The following HMX3 variants were observed in gnomAD, a reference collection of about 807,000 sequenced individuals.
The protein encoded by HMX3 is homeobox protein HMX3.
In HMX3, 8 loss-of-function variants were observed where a neutral mutation model predicts 22.8. The observed-to-expected ratio is 0.35, with a 90% CI of 0.21 to 0.63. The LOEUF (loss-of-function observed/expected upper bound fraction) is 0.63. HMX3 is among the 30% of genes least tolerant of loss of function. The probability of loss-of-function intolerance (pLI) is 0.72; values close to 1 mark genes in which losing one functional copy is unlikely to be tolerated. For missense variants in HMX3, 527 were observed against 520.6 expected (o/e 1.01, Z -0.12); for synonymous variants, 331 against 250.9 (o/e 1.32, Z -3.02).
Position 123,138,804 on chromosome 10 carries a change from G to T in HMX3, c.*1073G>T, listed in dbSNP as rs934031650. Among the ~76,000 whole-genome samples the T allele has an allele frequency of 1.3e-5, 2 of 152,174 alleles. No homozygotes were observed. Among genetic ancestry groups the T allele is most frequent in the Admixed American group, 1.3e-4 (2 of 15,282 alleles). On this transcript the variant is annotated 3_prime_UTR_variant, in exon 2 of 2. Transcript: ENST00000357878. ...CTTATTTATTAGTAGCATTTATTTTGAGAATTTCATTTGTAAATTATTATT... is the reference window on the plus strand; with the variant it reads ...CTTATTTATTAGTAGCATTTATTTTTAGAATTTCATTTGTAAATTATTATT...
In HMX3 at chr10:123,137,510, C is replaced by A. The variant is rs1405207789; in HGVS notation, c.853C>A (p.Gln285Lys). 2.5e-6 allele frequency: 4 copies of A among 1,612,714 alleles called. No homozygotes were observed. In the Admixed American group the frequency reaches 6.7e-5, roughly 27 times the overall value. The change falls in exon 2 of 2, where the codon CAG (glutamine) becomes AAG (lysine). Residue 285 changes from glutamine to lysine, a missense_variant. Around this residue, in one of 3 missense-constraint regions of HMX3, gnomAD observed 41 missense variants for 80.6 expected, o/e 0.51. Coordinates refer to ENST00000357878, the MANE Select transcript of HMX3 (RefSeq NM_001105574.2). The surrounding 1 kb of genome is among the most constrained non-coding windows in gnomAD (Gnocchi z 5.8). Reference protein sequence around the residue: ...FQNRRNKWKRQLAAELEAANL... With the variant: ...FQNRRNKWKRKLAAELEAANL... ...GAACCGCCGCAACAAGTGGAAGCGGCAGCTGGCGGCGGAGCTGGAGGCGGC... is the reference window on the plus strand; with the variant it reads ...GAACCGCCGCAACAAGTGGAAGCGGAAGCTGGCGGCGGAGCTGGAGGCGGC...
Position 123,136,944 on chromosome 10 carries a change from A to G in HMX3, c.401-114A>G. On this transcript the variant is annotated intron_variant, in intron 1 of 1. Coordinates refer to ENST00000357878, the MANE Select transcript of HMX3 (RefSeq NM_001105574.2). This position sits in a 1 kb window ranked among gnomAD's most constrained non-coding sequence, Gnocchi z 4.8. ...CAGCCCGCGGGAATGGTGAGGCCTC[A>G]TGGCCTGGGACCTGGAGGCCGGCGC... 3 of 1,282,014 alleles carry G rather than the reference A, an allele frequency of 2.3e-6. No individual in the cohort carries two copies. The highest frequency in any genetic ancestry group is 1.1e-6 in the Non-Finnish European group (1 of 952,292). 79.4% of individuals were successfully genotyped at this position (1,282,014 alleles called of 1,614,324 possible). A position where few individuals can be genotyped will look rare whatever the true frequency, so the allele number is the denominator to read the frequency against.
At position 123,138,549 on chromosome 10, in the gene HMX3, C is replaced by T. The variant is rs150171809; in HGVS notation, c.*818C>T. Among the ~76,000 whole-genome samples the T allele has an allele frequency of 2.4e-4, 37 of 152,276 alleles. No individual in the cohort carries two copies. The highest frequency in any genetic ancestry group is 2.4e-3 in the Admixed American group (37 of 15,298). On this transcript the variant is annotated 3_prime_UTR_variant, in exon 2 of 2. Transcript: ENST00000357878. Reference sequence around the variant, plus strand: ...TGGATTTCTGGGTATGTTTCTTCCTCCCAACCCCCAAATCAGTTATCCACC... The same window carrying T: ...TGGATTTCTGGGTATGTTTCTTCCTTCCAACCCCCAAATCAGTTATCCACC...
chr10:123,136,511 C>T lies in HMX3; in HGVS notation c.400+61C>T, dbSNP rs936062315. The T allele has an allele frequency of 7.2e-6, 9 of 1,249,316 alleles. 1 individual carries two copies. The African/African-American group carries it at 1.3e-4, about 17-fold the overall frequency. The allele number at this position is 1,249,316 out of a possible 1,614,324, so 77.4% of individuals were successfully genotyped here. ...GCGCGCCCGCCCCGTCCCCGCCCCG[C>T]GCTGCTTCCCTCCGCAGTTCTGGGA... On this transcript the variant is annotated intron_variant, in intron 1 of 1. Transcript: ENST00000357878. The surrounding 1 kb of genome is among the most constrained non-coding windows in gnomAD (Gnocchi z 4.8).
rs1033560055 is a variant in HMX3, at chr10:123,136,384, C to G, written c.334C>G (p.Arg112Gly). The change falls in exon 1 of 2, where the codon CGC becomes GGC. Residue 112 changes from arginine to glycine, a missense_variant. Physicochemically the swap from Arg to Gly is moderately radical, Grantham distance 125 (BLOSUM62 -2). Transcript: ENST00000357878. This position sits in a 1 kb window ranked among gnomAD's most constrained non-coding sequence, Gnocchi z 4.8. ...RFALPAHYLE[R>G]SPAWWYPYTL... The stretch of plus-strand genomic sequence containing the variant: ...TGCCCTGCCCGCGCACTACCTGGAG[C>G]GCTCCCCAGCCTGGTGGTACCCCTA... The G allele has an allele frequency of 8.3e-6, 13 of 1,562,146 alleles. No individual in the cohort carries two copies. Among genetic ancestry groups the G allele is most frequent in the Non-Finnish European group, 1.1e-5 (13 of 1,154,970 alleles).
Position 123,139,328 on chromosome 10 carries a change from C to T in HMX3, c.*1597C>T, listed in dbSNP as rs1162016384. On this transcript the variant is annotated 3_prime_UTR_variant, in exon 2 of 2. Coordinates refer to ENST00000357878, the MANE Select transcript of HMX3 (RefSeq NM_001105574.2). ...CCCTCACCTCTGCCTGGGTTGAGTC[C>T]CTTTTTAAGAAAAAGAGAAAAAAAA... Among the ~76,000 whole-genome samples, 1 of 149,714 alleles carries T rather than the reference C, an allele frequency of 6.7e-6. No homozygotes were observed. Among genetic ancestry groups the T allele is most frequent in the African/African-American group, 2.5e-5 (1 of 40,692 alleles).
Position 123,137,268 on chromosome 10 carries a change from C to T in HMX3, c.611C>T (p.Ala204Val). ...GCCGGGGCGAGCGTAGGGGCGGCGG[C>T]GGCCACTCCGGGCGCAGAAGACTGG... ...GAAGASVGAA[A>V]ATPGAEDWKK... Residue 204 changes from alanine to valine, a missense_variant, in exon 2 of 2, where the codon GCG becomes GTG. By Grantham distance (64) the Ala-to-Val change is moderately conservative. Transcript: ENST00000357878. The surrounding 1 kb of genome is among the most constrained non-coding windows in gnomAD (Gnocchi z 5.8). 1.9e-6 allele frequency: 3 copies of T among 1,591,874 alleles called. No individual in the cohort carries two copies. Among genetic ancestry groups the T allele is most frequent in the South Asian group, 2.2e-5 (2 of 88,988 alleles).
rs145053884 is a variant in HMX3 at position 123,137,836 on chromosome 10, T to A, written c.*105T>A. 3.8e-6 allele frequency: 3 copies of A among 790,756 alleles called. No homozygotes were observed. Among genetic ancestry groups the A allele is most frequent in the African/African-American group, 3.7e-5 (2 of 54,218 alleles). The allele number at this position is 790,756 out of a possible 1,614,324, so 49.0% of individuals were successfully genotyped here. A position where few individuals can be genotyped will look rare whatever the true frequency, so the allele number is the denominator to read the frequency against. ...GAGAAGTCCAGCGGCCTTCAGGAAC[T>A]GGGGCTTGGGCGCGCAGCCTCTGCT... is the stretch of plus-strand genomic sequence containing the variant. On this transcript the variant is annotated 3_prime_UTR_variant, in exon 2 of 2. Coordinates refer to ENST00000357878, the MANE Select transcript of HMX3 (RefSeq NM_001105574.2). The surrounding 1 kb of genome is among the most constrained non-coding windows in gnomAD (Gnocchi z 5.8).
At position 123,138,794 on chromosome 10, in the gene HMX3, C is replaced by T. The variant is rs1844107457; in HGVS notation, c.*1063C>T. Among the ~76,000 whole-genome samples, 1 of 152,156 alleles carries T rather than the reference C, an allele frequency of 6.6e-6. No individual in the cohort carries two copies. The highest frequency in any genetic ancestry group is 2.4e-5 in the African/African-American group (1 of 41,428). On this transcript the variant is annotated 3_prime_UTR_variant, in exon 2 of 2. Transcript: ENST00000357878. ...TCTAAGTGGTCTTATTTATTAGTAGCATTTATTTTGAGAATTTCATTTGTA... is the reference window on the plus strand; with the variant it reads ...TCTAAGTGGTCTTATTTATTAGTAGTATTTATTTTGAGAATTTCATTTGTA...
Position 123,137,720 on chromosome 10 carries a change from C to A in HMX3, c.1063C>A (p.Arg355=). Residue 355 remains arginine, a synonymous_variant, in exon 2 of 2, where the codon CGG becomes AGG. Coordinates refer to ENST00000357878, the MANE Select transcript of HMX3 (RefSeq NM_001105574.2). The surrounding 1 kb of genome is among the most constrained non-coding windows in gnomAD (Gnocchi z 5.8). The part of the protein sequence containing the change: ...HPVVSSVPLL[R]PV ...GGTGGTCTCTTCCGTGCCGCTGCTA[C>A]GGCCGGTCTGAGGCCCCAGAGGGGT... 2 of 1,440,494 alleles carry A rather than the reference C, an allele frequency of 1.4e-6. No homozygotes were observed. The highest frequency in any genetic ancestry group is 1.5e-5 in the South Asian group (1 of 67,944). 89.2% of individuals were successfully genotyped at this position (1,440,494 alleles called of 1,614,324 possible). A position where few individuals can be genotyped will look rare whatever the true frequency, so the allele number is the denominator to read the frequency against.
Position 123,137,623 on chromosome 10 carries a change from A to G in HMX3, c.966A>G (p.Ala322=), listed in dbSNP as rs766160679. 1 of 1,543,032 alleles carries G rather than the reference A, an allele frequency of 6.5e-7. No homozygotes were observed. The highest frequency in any genetic ancestry group is 2.0e-5 in the Admixed American group (1 of 49,380). The stretch of plus-strand genomic sequence containing the variant: ...CGGCGGCCGAGGGCGCGGCGGCTGC[A>G]GCCGCGGGGGCCCCGGTGCCAGTCA... ...ENSAAEGAAA[A]AAGAPVPVSQ... is the part of the protein sequence containing the mutation. The change falls in exon 2 of 2, where the codon GCA becomes GCG. Residue 322 remains alanine (A), a synonymous_variant. Coordinates refer to ENST00000357878, the MANE Select transcript of HMX3 (RefSeq NM_001105574.2). This position sits in a 1 kb window ranked among gnomAD's most constrained non-coding sequence, Gnocchi z 5.8.
Position 123,136,946 on chromosome 10 carries a change from G to A in HMX3, c.401-112G>A. 1 of 1,305,282 alleles carries A rather than the reference G, an allele frequency of 7.7e-7. No individual in the cohort carries two copies. The highest frequency in any genetic ancestry group is 1.6e-5 in the South Asian group (1 of 64,474). The allele number at this position is 1,305,282 out of a possible 1,614,324, so 80.9% of individuals were successfully genotyped here. A position where few individuals can be genotyped will look rare whatever the true frequency, so the allele number is the denominator to read the frequency against. On this transcript the variant is annotated intron_variant, in intron 1 of 1. Transcript: ENST00000357878. This position sits in a 1 kb window ranked among gnomAD's most constrained non-coding sequence, Gnocchi z 4.8. ...GCCCGCGGGAATGGTGAGGCCTCAT[G>A]GCCTGGGACCTGGAGGCCGGCGCGG... is the stretch of plus-strand genomic sequence containing the variant.
At position 123,139,122 on chromosome 10, in the gene HMX3, C is replaced by T. The variant is rs573741608; in HGVS notation, c.*1391C>T. On this transcript the variant is annotated 3_prime_UTR_variant, in exon 2 of 2. Coordinates refer to ENST00000357878, the MANE Select transcript of HMX3 (RefSeq NM_001105574.2). ...GTGATGCTCAAAGGAGTAAGTTAGG[C>T]ATACTGGAGCGCTTTAAGTGAAGGA... Among the ~76,000 whole-genome samples, 6 of 152,274 alleles carry T rather than the reference C, an allele frequency of 3.9e-5. No individual in the cohort carries two copies. Among genetic ancestry groups the T allele is most frequent in the Admixed American group, 6.5e-5 (1 of 15,290 alleles).
Position 123,136,973 on chromosome 10 carries a change from T to G in HMX3, c.401-85T>G. On this transcript the variant is annotated intron_variant, in intron 1 of 1. Coordinates refer to ENST00000357878, the MANE Select transcript of HMX3 (RefSeq NM_001105574.2). The surrounding 1 kb of genome is among the most constrained non-coding windows in gnomAD (Gnocchi z 4.8). ...CCTGGGACCTGGAGGCCGGCGCGGGTTGAGCCTGCCGTCCCCAGGCGCCGG... is the reference window on the plus strand; with the variant it reads ...CCTGGGACCTGGAGGCCGGCGCGGGGTGAGCCTGCCGTCCCCAGGCGCCGG... 4.9e-6 allele frequency: 7 copies of G among 1,431,190 alleles called. No homozygotes were observed. Among genetic ancestry groups the G allele is most frequent in the East Asian group, 2.5e-5 (1 of 39,762 alleles). 88.7% of individuals were successfully genotyped at this position (1,431,190 alleles called of 1,614,324 possible). A position where few individuals can be genotyped will look rare whatever the true frequency, so the allele number is the denominator to read the frequency against.
At position 123,136,221 on chromosome 10, in the gene HMX3, G is replaced by A. The variant is rs1844070949; in HGVS notation, c.171G>A (p.Ala57=). 5 of 1,342,538 alleles carry A rather than the reference G, an allele frequency of 3.7e-6. No individual in the cohort carries two copies. Among genetic ancestry groups the A allele is most frequent in the African/African-American group, 3.1e-5 (2 of 64,968 alleles). The allele number at this position is 1,342,538 out of a possible 1,614,324, so 83.2% of individuals were successfully genotyped here. A position where few individuals can be genotyped will look rare whatever the true frequency, so the allele number is the denominator to read the frequency against. Residue 57 remains alanine (A), a synonymous_variant, in exon 1 of 2, where the codon GCG becomes GCA. Transcript: ENST00000357878. The surrounding 1 kb of genome is among the most constrained non-coding windows in gnomAD (Gnocchi z 4.8). ...AGCCGCCCCCACGGACGCTCTTCGC[G>A]CCAGCCTCGGCTGCCGCCGCCGCCG... The part of the protein sequence containing the change: ...KPQPPPRTLF[A]PASAAAAAAA...
chr10:123,136,413 C>T lies in HMX3; in HGVS notation c.363C>T (p.Thr121=). The T allele has an allele frequency of 1.3e-6, 2 of 1,531,762 alleles. No homozygotes were observed. Among genetic ancestry groups the T allele is most frequent in the Non-Finnish European group, 1.8e-6 (2 of 1,141,568 alleles). 94.9% of individuals were successfully genotyped at this position (1,531,762 alleles called of 1,614,324 possible). The change falls in exon 1 of 2, where the codon ACC becomes ACT. Residue 121 remains threonine, a synonymous_variant. Coordinates refer to ENST00000357878, the MANE Select transcript of HMX3 (RefSeq NM_001105574.2). The surrounding 1 kb of genome is among the most constrained non-coding windows in gnomAD (Gnocchi z 4.8). The part of the protein sequence containing the change: ...ERSPAWWYPY[T]LTPAGGHLPR... Reference sequence around the variant, plus strand: ...CCCCAGCCTGGTGGTACCCCTACACCCTGACCCCCGCCGGCGGCCACCTCC... The same window carrying T: ...CCCCAGCCTGGTGGTACCCCTACACTCTGACCCCCGCCGGCGGCCACCTCC...
Position 123,136,285 on chromosome 10 carries a change from G to A in HMX3, c.235G>A (p.Gly79Ser), listed in dbSNP as rs759711305. 5.6e-5 allele frequency: 84 copies of A among 1,501,010 alleles called. 2 individuals are homozygous for A. The Middle Eastern group carries it at 1.6e-3, about 28-fold the overall frequency. 93.0% of individuals were successfully genotyped at this position (1,501,010 alleles called of 1,614,324 possible). ...AAAAAKGALE[G>S]AAGFALSQVG... ...CGCGGCGGCCAAGGGGGCCCTGGAG[G>A]GCGCCGCGGGCTTCGCGCTCTCGCA... The change falls in exon 1 of 2, where the codon GGC (glycine) becomes AGC (serine). Residue 79 changes from glycine (G) to serine (S), a missense_variant. By Grantham distance (56) the Gly-to-Ser change is moderately conservative. Around this residue, in one of 3 missense-constraint regions of HMX3, gnomAD observed 386 missense variants for 337.8 expected, o/e 1.14. Coordinates refer to ENST00000357878, the MANE Select transcript of HMX3 (RefSeq NM_001105574.2). This position sits in a 1 kb window ranked among gnomAD's most constrained non-coding sequence, Gnocchi z 4.8.
In HMX3 at chr10:123,135,971, A is replaced by T; in HGVS notation, c.-80A>T. Reference sequence around the variant, plus strand: ...GTAGTTGAGTTCCGTTTATGGTCTGATTTCCGGCCTCTCGCCTGCTCGCCC... The same window carrying T: ...GTAGTTGAGTTCCGTTTATGGTCTGTTTTCCGGCCTCTCGCCTGCTCGCCC... On this transcript the variant is annotated 5_prime_UTR_variant, in exon 1 of 2. Transcript: ENST00000357878. The T allele has an allele frequency of 7.8e-7, 1 of 1,275,198 alleles. No homozygotes were observed. Among genetic ancestry groups the T allele is most frequent in the Non-Finnish European group, 1.0e-6 (1 of 1,003,958 alleles). The allele number at this position is 1,275,198 out of a possible 1,614,324, so 79.0% of individuals were successfully genotyped here.
At position 123,137,662 on chromosome 10, in the gene HMX3, C is replaced by T. The variant is rs1168328553; in HGVS notation, c.1005C>T (p.Leu335=). The T allele has an allele frequency of 1.0e-5, 15 of 1,492,956 alleles. No homozygotes were observed. The highest frequency in any genetic ancestry group is 1.2e-5 in the Non-Finnish European group (14 of 1,130,030). The allele number at this position is 1,492,956 out of a possible 1,614,324, so 92.5% of individuals were successfully genotyped here. A position where few individuals can be genotyped will look rare whatever the true frequency, so the allele number is the denominator to read the frequency against. The change falls in exon 2 of 2, where the codon CTC becomes CTT. Residue 335 remains leucine, a synonymous_variant. Coordinates refer to ENST00000357878, the MANE Select transcript of HMX3 (RefSeq NM_001105574.2). The surrounding 1 kb of genome is among the most constrained non-coding windows in gnomAD (Gnocchi z 5.8). The stretch of plus-strand genomic sequence containing the variant: ...CGGTGCCAGTCAGCCAGCCGCTGCT[C>T]ACCTTCCCGCACCCCGTCTACTACT... The part of the protein sequence containing the change: ...GAPVPVSQPL[L]TFPHPVYYSH...
Sources: gnomAD v4.1 joint callset for allele counts (sites outside exome capture counted in the v4.1 genomes callset) on GRCh38, gnomAD v4.1.1 for gene constraint, gnomAD v4.1.1 regional missense constraint, Gnocchi (gnomAD v3.1) non-coding constraint, MANE v1.5 for transcripts, NCBI Gene and HGNC (gene_info 2026-07-23, HGNC 2026-07-21) for gene names.